CHN1: variants seen among roughly 807,000 people sequenced by gnomAD.
CHN1 encodes chimerin 1.
CHN1 carries 37 observed loss-of-function variants against 59.5 expected under a neutral mutation model. The observed-to-expected ratio is 0.62, with a 90% CI of 0.48 to 0.82. The LOEUF (loss-of-function observed/expected upper bound fraction) is 0.82, where lower values mean the gene tolerates loss of function less well. Ranked by LOEUF, CHN1 falls within the 40% of genes least tolerant of loss-of-function variation. The pLI is 0.00. For missense variants in CHN1, 469 were observed against 571.0 expected (o/e 0.82, Z 1.82); for synonymous variants, 206 against 200.4 (o/e 1.03, Z -0.24).
intron 8 of CHN1, among the ~76,000 whole-genome samples, chr2:174,815,656 G>T (rs1427748206): frequency 6.8e-6 from 1 of 147,874 alleles, no homozygotes; most frequent in Non-Finnish European, 1.5e-5. Context: ...TTTTATGATA[G>T]CTGCTTTTCT....
chr2:174,859,009 CACACAAAACCAAACAA>C (rs1489689667), intron 6 of CHN1, among the ~76,000 whole-genome samples: 2 of 151,728 alleles, frequency 1.3e-5, no homozygotes, highest in Non-Finnish European at 2.9e-5. Flanking sequence ...CACACACACA[CACACAAAACCAAACAA>C]ACAAAAACAA....
intron 1 of CHN1, among the ~76,000 whole-genome samples, chr2:175,003,463 G>C (rs867842860): frequency 2.0e-5 from 3 of 151,756 alleles, no homozygotes; most frequent in African/African-American, 7.3e-5. Flanking sequence ...TTTTTTATTC[G>C]TCAGGAATGC....
At chr2:174,997,631 T>C (rs1235375936) in intron 1 of CHN1, among the ~76,000 whole-genome samples, 2 of 152,156 alleles carry the variant, frequency 1.3e-5, no homozygotes, top group East Asian at 1.9e-4. Context: ...ACCACTCACC[T>C]GCTGCCTGTC....
intron 5 of CHN1, among the ~76,000 whole-genome samples, chr2:174,898,699 T>A (rs1222478941): frequency 3.9e-5 from 6 of 152,236 alleles, no homozygotes; most frequent in Non-Finnish European, 7.3e-5. Flanking sequence ...ATAATTTCAT[T>A]ATTTTAAGAT....
intron 7 of CHN1, among the ~76,000 whole-genome samples, chr2:174,841,105 C>T (rs1235019448): frequency 6.6e-6 from 1 of 152,160 alleles, no homozygotes; most frequent in Admixed American, 6.5e-5. Flanking sequence ...CATAAGATAG[C>T]TACAAAGAAG....
chr2:174,912,228 C>G (rs563382308), intron 5 of CHN1, among the ~76,000 whole-genome samples: 1 of 152,102 alleles, frequency 6.6e-6, no homozygotes, highest in Non-Finnish European at 1.5e-5. Context: ...AATCCTTACA[C>G]AATTTTCACA....
At chr2:174,950,579 CATGCGAGAT>C (rs1447026688) in intron 2 of CHN1, among the ~76,000 whole-genome samples, 1 of 151,966 alleles carries the variant, frequency 6.6e-6, no homozygotes, top group Non-Finnish European at 1.5e-5. Context: ...TACTGCAAGA[CATGCGAGAT>C]ATGTGAAGCT....
intron 2 of CHN1, among the ~76,000 whole-genome samples, chr2:174,947,546 ACACACATGACTCACTGC>A (rs1689883227): frequency 6.8e-6 from 1 of 147,868 alleles, no homozygotes; most frequent in Non-Finnish European, 1.5e-5. Context: ...GTGCAGTGGC[ACACACATGACTCACTGC>A]AGCCTCAACC....
intron 1 of CHN1, among the ~76,000 whole-genome samples, chr2:174,969,692 T>A (rs540216289): frequency 6.6e-6 from 1 of 151,940 alleles, no homozygotes; most frequent in Non-Finnish European, 1.5e-5. Flanking sequence ...CACTTCATAC[T>A]CTTTTTTTTT....
intron 4 of CHN1, among the ~76,000 whole-genome samples, chr2:174,915,487 T>C (rs1688819573): frequency 6.6e-6 from 1 of 150,912 alleles, no homozygotes; most frequent in South Asian, 2.1e-4. Flanking sequence ...TACGTATCCA[T>C]TTAACCATAT....
intron 3 of CHN1, among the ~76,000 whole-genome samples, chr2:174,940,331 G>A (rs1689620429): frequency 1.3e-5 from 2 of 152,092 alleles, no homozygotes; most frequent in South Asian, 4.1e-4. Flanking sequence ...CCAGCCGAGA[G>A]TAATTATTTT....
At chr2:174,879,806 T>C (rs1687681389) in intron 5 of CHN1, among the ~76,000 whole-genome samples, 1 of 152,202 alleles carries the variant, frequency 6.6e-6, no homozygotes, top group Non-Finnish European at 1.5e-5. Context: ...CTTACGATTT[T>C]ACAGTGGGCA....
chr2:174,940,243 A>G (rs1574190426), intron 3 of CHN1, among the ~76,000 whole-genome samples: 1 of 152,048 alleles, frequency 6.6e-6, no homozygotes, highest in Non-Finnish European at 1.5e-5. Flanking sequence ...TGGCCAGGCT[A>G]GTCTTGATCT....
chr2:174,886,827 G>A (rs1363764445), intron 5 of CHN1, among the ~76,000 whole-genome samples: 2 of 150,710 alleles, frequency 1.3e-5, no homozygotes, highest in Non-Finnish European at 2.9e-5. Flanking sequence ...AGAAAAAAAT[G>A]TCTTACTAAA....
chr2:174,900,891 A>T (rs1688371516), intron 5 of CHN1, among the ~76,000 whole-genome samples: 1 of 152,196 alleles, frequency 6.6e-6, no homozygotes, highest in Non-Finnish European at 1.5e-5. Context: ...ATAAAATAAA[A>T]TTTTCACTTA....
At chr2:174,905,483 T>C (rs1574148845) in intron 5 of CHN1, among the ~76,000 whole-genome samples, 1 of 152,190 alleles carries the variant, frequency 6.6e-6, no homozygotes, top group Admixed American at 6.5e-5. Context: ...TCCACTGTTA[T>C]GTATGCATAC....
intron 1 of CHN1, among the ~76,000 whole-genome samples, chr2:174,986,913 T>G (rs943560394): frequency 6.6e-6 from 1 of 152,128 alleles, no homozygotes; most frequent in Non-Finnish European, 1.5e-5. Flanking sequence ...ATTTTTTGTA[T>G]TTTTAGTAGA....
intron 3 of CHN1, among the ~76,000 whole-genome samples, chr2:174,927,270 C>G (rs887474865): frequency 1.3e-5 from 2 of 152,154 alleles, no homozygotes; most frequent in African/African-American, 4.8e-5. Flanking sequence ...ATTGCCTAGA[C>G]TGGTCTTGAA....
intron 5 of CHN1, among the ~76,000 whole-genome samples, chr2:174,898,437 T>TG (rs1197664870): frequency 2.0e-5 from 2 of 101,502 alleles, no homozygotes; most frequent in Non-Finnish European, 1.9e-5. Flanking sequence ...CCGTCTCTAC[T>TG]GAAAAAAAAA....
Sources: allele counts gnomAD v4.1 joint callset (sites outside exome capture counted in the v4.1 genomes callset), GRCh38; gene constraint gnomAD v4.1.1; transcripts MANE v1.5; gene names NCBI Gene and HGNC (gene_info 2026-07-23, HGNC 2026-07-21).